RGL1: variants seen among roughly 807,000 people sequenced by gnomAD.
The protein encoded by RGL1 is ral guanine nucleotide dissociation stimulator like 1, also known as ral guanine nucleotide dissociation stimulator-like 1.
In RGL1, 24 loss-of-function variants were observed where a neutral mutation model predicts 95.2. The ratio of observed to expected loss-of-function variants is 0.25; its 90% CI spans 0.18 to 0.35. The LOEUF (loss-of-function observed/expected upper bound fraction) is 0.35. Ranked by LOEUF, RGL1 falls within the 10% of genes least tolerant of loss-of-function variation. The probability of loss-of-function intolerance (pLI) is 1.00; values close to 1 mark genes in which losing one functional copy is unlikely to be tolerated. For synonymous variants in RGL1, 329 were observed against 344.9 expected (o/e 0.95, Z 0.51); for missense variants, 715 against 936.3 (o/e 0.76, Z 3.08).
At chr1:183,775,918 A>G (rs1659567940) in intron 2 of RGL1, among the ~76,000 whole-genome samples, 1 of 152,202 alleles carries the variant, frequency 6.6e-6, no homozygotes, top group Non-Finnish European at 1.5e-5. Flanking sequence ...GATTATATAT[A>G]TTTGTGCTTT....
chr1:183,769,217 T>C (rs1450517678), intron 2 of RGL1, among the ~76,000 whole-genome samples: 2 of 152,238 alleles, frequency 1.3e-5, no homozygotes, highest in Non-Finnish European at 2.9e-5. Flanking sequence ...TTTTCACCAA[T>C]ACTCAGAAGA....
intron 1 of RGL1, among the ~76,000 whole-genome samples, chr1:183,730,646 G>A (rs1656577274): frequency 6.6e-6 from 1 of 152,108 alleles, no homozygotes; most frequent in Non-Finnish European, 1.5e-5. Context: ...AATTTGGAGA[G>A]TACAGAACAT....
At chr1:183,831,092 G>T (rs1412240631) in intron 2 of RGL1, among the ~76,000 whole-genome samples, 3 of 152,174 alleles carry the variant, frequency 2.0e-5, no homozygotes, top group Non-Finnish European at 2.9e-5. Flanking sequence ...AACAAGTAAA[G>T]AAGTCAGTAC....
chr1:183,882,891 T>G (rs1451569561), intron 5 of RGL1, among the ~76,000 whole-genome samples: 1 of 152,266 alleles, frequency 6.6e-6, no homozygotes, highest in Non-Finnish European at 1.5e-5. Context: ...CATGCTGATT[T>G]ACATTTCTGC....
intron 1 of RGL1, among the ~76,000 whole-genome samples, chr1:183,668,015 GTGTGTGTGTGTC>G (rs1477621825): frequency 6.0e-5 from 8 of 133,546 alleles, no homozygotes; most frequent in African/African-American, 1.6e-4. Context: ...GTGTGTGTGT[GTGTGTGTGTGTC>G]TGTGTGTAAT....
intron 2 of RGL1, among the ~76,000 whole-genome samples, chr1:183,815,758 T>C (rs1662040324): frequency 6.6e-6 from 1 of 152,126 alleles, no homozygotes; most frequent in African/African-American, 2.4e-5. Flanking sequence ...GCCTTCCTGA[T>C]GGAATGACTG....
At chr1:183,906,253 G>A (rs760174020) in intron 13 of RGL1, among the ~76,000 whole-genome samples, 1 of 152,158 alleles carries the variant, frequency 6.6e-6, no homozygotes, top group Non-Finnish European at 1.5e-5. Flanking sequence ...CACCTACTCA[G>A]TAACGAAATA....
chr1:183,685,042 T>C (rs181008907), intron 1 of RGL1, among the ~76,000 whole-genome samples: 30 of 152,372 alleles, frequency 2.0e-4, no homozygotes, highest in Non-Finnish European at 3.2e-4. Flanking sequence ...TTTGGCCATC[T>C]TCTATTTACA....
At chr1:183,794,751 A>AT (rs1375713868) in intron 2 of RGL1, among the ~76,000 whole-genome samples, 4 of 152,112 alleles carry the variant, frequency 2.6e-5, no homozygotes, top group South Asian at 2.1e-4. Flanking sequence ...CCCCAAACAT[A>AT]TTTCTCTATT....
intron 2 of RGL1, among the ~76,000 whole-genome samples, chr1:183,770,937 A>ACTCC (rs144783731): frequency 6.6e-6 from 1 of 151,486 alleles, no homozygotes; most frequent in Non-Finnish European, 1.5e-5. Flanking sequence ...ACTCATCTCT[A>ACTCC]CTCCCTCCCT....
chr1:183,806,375 A>C lies in RGL1; in HGVS notation c.28A>C (p.Ser10Arg). ...TTTCTCTTTATCCCGTCCCTGGCAG[A>C]GCTCGATTCAGGACTGGGGTGAAGA... MKLLWQAKM[S>R]SIQDWGEEVE... Residue 10 changes from serine to arginine, a missense_variant and splice_region_variant, in exon 2 of 18, where the codon AGC becomes CGC. Ser to Arg is a moderately radical substitution (Grantham distance 110). Coordinates refer to ENST00000360851, the MANE Select transcript of RGL1 (RefSeq NM_001297671.3). The C allele has an allele frequency of 1.2e-6, 2 of 1,611,774 alleles. No homozygotes were observed. The highest frequency in any genetic ancestry group is 2.2e-5 in the East Asian group (1 of 44,860).
At chr1:183,759,274 G>A (rs937371185) in intron 2 of RGL1, among the ~76,000 whole-genome samples, 5 of 152,180 alleles carry the variant, frequency 3.3e-5, no homozygotes, top group Non-Finnish European at 5.9e-5. Flanking sequence ...GGGTTTTTGA[G>A]GAAAAGGCAT....
chr1:183,727,106 T>C (rs1273945536), intron 1 of RGL1, among the ~76,000 whole-genome samples: 2 of 152,090 alleles, frequency 1.3e-5, no homozygotes, highest in African/African-American at 4.8e-5. Context: ...ACCAACAATC[T>C]TCAACAAAAG....
At chr1:183,844,116 G>A (rs1244443432) in intron 2 of RGL1, among the ~76,000 whole-genome samples, 6 of 152,214 alleles carry the variant, frequency 3.9e-5, no homozygotes, top group African/African-American at 9.6e-5. Context: ...GTGAGCCACC[G>A]CTCCCATCCT....
intron 1 of RGL1, among the ~76,000 whole-genome samples, chr1:183,726,622 A>G (rs952760063): frequency 1.3e-5 from 2 of 152,214 alleles, no homozygotes; most frequent in Non-Finnish European, 2.9e-5. Flanking sequence ...ATTTGTAATT[A>G]GAAATCTTTC....
intron 3 of RGL1, among the ~76,000 whole-genome samples, chr1:183,861,757 A>G (rs1665522036): frequency 6.6e-6 from 1 of 152,224 alleles, no homozygotes; most frequent in Non-Finnish European, 1.5e-5. Context: ...GGCTTTGCAG[A>G]AATTGGACAC....
intron 15 of RGL1, among the ~76,000 whole-genome samples, chr1:183,914,148 G>A (rs935000571): frequency 6.6e-6 from 1 of 152,190 alleles, no homozygotes; most frequent in Non-Finnish European, 1.5e-5. Context: ...CCACATTATT[G>A]TGGGATTTCT....
chr1:183,917,015 G>T (rs1464806523), intron 16 of RGL1, among the ~76,000 whole-genome samples: 1 of 152,108 alleles, frequency 6.6e-6, no homozygotes, highest in East Asian at 1.9e-4. Context: ...CTCAATTTGG[G>T]TGACAGTGTA....
At chr1:183,776,221 T>A (rs935100059) in intron 2 of RGL1, among the ~76,000 whole-genome samples, 1 of 143,006 alleles carries the variant, frequency 7.0e-6, no homozygotes, top group Non-Finnish European at 1.5e-5. Context: ...CGATCTCGGC[T>A]CACTGCAAGC....
Sources: gnomAD v4.1 joint callset for allele counts (sites outside exome capture counted in the v4.1 genomes callset) on GRCh38, gnomAD v4.1.1 for gene constraint, MANE v1.5 for transcripts, NCBI Gene and HGNC (gene_info 2026-07-23, HGNC 2026-07-21) for gene names.